Variants in ULK4 observed in about 807,000 individuals in gnomAD.
ULK4 encodes the protein unc-51 like kinase 4, also known as inactive serine/threonine-protein kinase ULK4.
A neutral mutation model predicts 160.6 loss-of-function variants in ULK4; 133 were observed. The observed-to-expected ratio is 0.83, with a 90% CI of 0.72 to 0.96. ULK4 has a LOEUF of 0.96. ULK4 is among the 40% of genes least tolerant of loss of function. The pLI is 0.00. For missense variants in ULK4, 1,580 were observed against 1,499.5 expected (o/e 1.05, Z -0.89); for synonymous variants, 534 against 539.8 (o/e 0.99, Z 0.15).
At chr3:41,511,221 C>T (rs1354781417) in intron 32 of ULK4, among the ~76,000 whole-genome samples, 1 of 150,810 alleles carries the variant, frequency 6.6e-6, no homozygotes, top group Non-Finnish European at 1.5e-5. Context: ...TAAGGTCACA[C>T]CTCACGAAAC....
chr3:41,611,584 A>G (rs2032679959), intron 31 of ULK4, among the ~76,000 whole-genome samples: 1 of 152,140 alleles, frequency 6.6e-6, no homozygotes, highest in Non-Finnish European at 1.5e-5. Context: ...AGAAACTCCC[A>G]GAATCGAGTT....
intron 36 of ULK4, 151 bp from the exon 37 acceptor site, chr3:41,247,143 C>A: frequency 1.3e-6 from 1 of 793,274 alleles, no homozygotes; most frequent in Non-Finnish European, 2.1e-6. Flanking sequence ...AATCCTGGCC[C>A]ACAGTCCTGG....
intron 32 of ULK4, among the ~76,000 whole-genome samples, chr3:41,492,954 C>G (rs368187683): frequency 5.7e-4 from 81 of 143,190 alleles, no homozygotes; most frequent in African/African-American, 2.1e-3. Flanking sequence ...TACAAAGAGA[C>G]TTAGACTCCC....
intron 25 of ULK4, among the ~76,000 whole-genome samples, chr3:41,714,857 A>AAAAAAAAAAG (rs1353054574): frequency 6.6e-6 from 1 of 151,716 alleles, no homozygotes; most frequent in East Asian, 1.9e-4. Context: ...GTCTTTAAAA[A>AAAAAAAAAAG]AAAAAAAGAA....
At chr3:41,701,936 A>G (rs541335416) in intron 27 of ULK4, among the ~76,000 whole-genome samples, 2 of 152,294 alleles carry the variant, frequency 1.3e-5, no homozygotes, top group African/African-American at 4.8e-5. Context: ...TACCAACCTT[A>G]TATAGGGAAA....
At chr3:41,662,134 T>G (rs991315773) in intron 30 of ULK4, among the ~76,000 whole-genome samples, 1 of 152,222 alleles carries the variant, frequency 6.6e-6, no homozygotes, top group African/African-American at 2.4e-5. Flanking sequence ...GATTCACTCT[T>G]TAGAATTAAA....
chr3:41,627,448 G>A (rs1197179650), intron 30 of ULK4, among the ~76,000 whole-genome samples: 1 of 152,196 alleles, frequency 6.6e-6, no homozygotes, highest in African/African-American at 2.4e-5. Flanking sequence ...GACACAAGAG[G>A]CGTAAGTCCC....
intron 30 of ULK4, among the ~76,000 whole-genome samples, chr3:41,638,818 A>G (rs1326788070): frequency 6.6e-6 from 1 of 152,214 alleles, no homozygotes; most frequent in Non-Finnish European, 1.5e-5. Context: ...CTCATGTTAC[A>G]TTCCATTCAG....
chr3:41,584,845 AAAGT>A (rs1339414234), intron 31 of ULK4, among the ~76,000 whole-genome samples: 1 of 152,198 alleles, frequency 6.6e-6, no homozygotes, highest in African/African-American at 2.4e-5. Flanking sequence ...GAACTTATTA[AAAGT>A]AACAATAGCT....
intron 35 of ULK4, among the ~76,000 whole-genome samples, chr3:41,369,741 C>T (rs2081324730): frequency 6.7e-6 from 1 of 149,672 alleles, no homozygotes; most frequent in African/African-American, 2.5e-5. Context: ...TTGCAGTGAG[C>T]TGAGATCATG....
rs75527122 is a variant in ULK4 at position 41,634,551 on chromosome 3, C to T, written c.3072-18834G>A. On this transcript the variant is annotated intron_variant, in intron 30 of 36. Transcript: ENST00000301831. ...AGTAGCAGAATATGTAAGAGAATAGCGTGTGGGTCACTTCAAGTTAACAGG... is the reference window on the plus strand; with the variant it reads ...AGTAGCAGAATATGTAAGAGAATAGTGTGTGGGTCACTTCAAGTTAACAGG... 7.9e-5 allele frequency among the ~76,000 whole-genome samples: 12 copies of T among 152,294 alleles called. No individual in the cohort carries two copies. The South Asian group carries it at 1.0e-3, about 13-fold the overall frequency.
chr3:41,524,781 C>T (rs2086054866), intron 32 of ULK4, among the ~76,000 whole-genome samples: 1 of 151,830 alleles, frequency 6.6e-6, no homozygotes, highest in African/African-American at 2.4e-5. Flanking sequence ...CTATAAAATA[C>T]AAAAAAATTA....
intron 19 of ULK4, 103 bp from the exon 20 acceptor site, chr3:41,800,396 G>A: frequency 8.8e-7 from 1 of 1,130,422 alleles, no homozygotes; most frequent in Admixed American, 2.5e-5. Context: ...ACAGTAACAT[G>A]CCTCTGGATG....
intron 31 of ULK4, among the ~76,000 whole-genome samples, chr3:41,600,091 G>T (rs796345916): frequency 3.1e-4 from 47 of 152,152 alleles, no homozygotes; most frequent in African/African-American, 1.1e-3. Context: ...AGCTTTCCAA[G>T]GCTCATCAGA....
intron 17 of ULK4, among the ~76,000 whole-genome samples, chr3:41,861,838 T>A (rs1032132597): frequency 2.3e-4 from 35 of 152,162 alleles, no homozygotes; most frequent in African/African-American, 7.5e-4. Flanking sequence ...TTTTTCTTTT[T>A]TGAGACAGGG....
chr3:41,428,682 T>A (rs1262075296), intron 34 of ULK4, among the ~76,000 whole-genome samples: 5 of 152,192 alleles, frequency 3.3e-5, no homozygotes, highest in African/African-American at 1.2e-4. Flanking sequence ...GAATTCTCTA[T>A]GTAATAAGTG....
chr3:41,825,014 G>A (rs556489449), intron 18 of ULK4, among the ~76,000 whole-genome samples: 8 of 152,314 alleles, frequency 5.3e-5, no homozygotes, highest in South Asian at 4.1e-4. Context: ...ACCAATATCC[G>A]CTGTTCTGCA....
chr3:41,662,797 TCAGA>T (rs1300592356), intron 30 of ULK4, among the ~76,000 whole-genome samples: 3 of 152,040 alleles, frequency 2.0e-5, no homozygotes, highest in Admixed American at 6.6e-5. Context: ...TGTGGACCTC[TCAGA>T]CAAACTAATC....
intron 22 of ULK4, among the ~76,000 whole-genome samples, chr3:41,747,593 G>T (rs1326877968): frequency 4.6e-5 from 7 of 152,088 alleles, no homozygotes; most frequent in Non-Finnish European, 1.0e-4. Flanking sequence ...CCCTCAATGT[G>T]ACTATATTTG....
Sources: allele counts gnomAD v4.1 joint callset (sites outside exome capture counted in the v4.1 genomes callset), GRCh38; gene constraint gnomAD v4.1.1; transcripts MANE v1.5; gene names NCBI Gene and HGNC (gene_info 2026-07-23, HGNC 2026-07-21).